NIFK: variants seen among roughly 807,000 people sequenced by gnomAD.
NIFK encodes the protein MKI67 FHA domain-interacting nucleolar phosphoprotein.
In NIFK, 16 loss-of-function variants were observed where a neutral mutation model predicts 31.7. The observed-to-expected ratio is 0.50, with a 90% CI of 0.34 to 0.77. NIFK has a LOEUF of 0.77. NIFK is among the 30% of genes least tolerant of loss of function. NIFK has a pLI of 0.01. For synonymous variants in NIFK, 126 were observed against 123.0 expected (o/e 1.02, Z -0.16); for missense variants, 341 against 350.4 (o/e 0.97, Z 0.21).
intron 4 of NIFK, among the ~76,000 whole-genome samples, chr2:121,729,950 C>A (rs369668050): frequency 5.9e-5 from 9 of 152,230 alleles, no homozygotes; most frequent in East Asian, 3.9e-4. Context: ...TGGTGGCTCA[C>A]ACCTGTAATC....
chr2:121,730,929 T>C lies in NIFK; in HGVS notation c.528A>G (p.Leu176=), dbSNP rs780684725. 20 of 1,612,882 alleles carry C rather than the reference T, an allele frequency of 1.2e-5. No individual in the cohort carries two copies. Among genetic ancestry groups the C allele is most frequent in the Non-Finnish European group, 1.7e-5 (20 of 1,179,130 alleles). ...AATCATAGTCAATTCCTTTTTTAGC[T>C]AATTTCTTCCTGAGTAATCTTTCTT... ...KKKERLLRKK[L]AKKGIDYDFP... is the part of the protein sequence containing the mutation. The change falls in exon 4 of 7, where the codon TTA becomes TTG. Residue 176 remains leucine (L), a synonymous_variant. Transcript: ENST00000285814.
rs1324755351 is a variant in NIFK, at chr2:121,732,146, A to G, written c.302T>C (p.Ile101Thr). The G allele has an allele frequency of 4.3e-6, 7 of 1,613,704 alleles. No individual in the cohort carries two copies. The highest frequency in any genetic ancestry group is 3.4e-6 in the Non-Finnish European group (4 of 1,179,598). ...VEFESEDVAK[I>T]VAETMNNYLF... is the part of the protein sequence containing the mutation. ...GTAGTTGTTCATTGTTTCAGCAACT[A>G]TTTTGGCAACATCCTCAGACTCAAA... is the stretch of plus-strand genomic sequence containing the variant. The change falls in exon 3 of 7, where the codon ATA (isoleucine) becomes ACA (threonine). Residue 101 changes from isoleucine (I) to threonine (T), a missense_variant. Transcript: ENST00000285814.
At chr2:121,728,655 A>T (rs1038406699) in intron 4 of NIFK, 119 bp from the exon 5 acceptor site, 17 of 621,118 alleles carry the variant, frequency 2.7e-5, no homozygotes, top group Non-Finnish European at 3.8e-5. Context: ...CATTTTAAAA[A>T]ATCAAAACTC....
chr2:121,733,868 G>A (rs2074561160), intron 2 of NIFK, among the ~76,000 whole-genome samples: 1 of 152,018 alleles, frequency 6.6e-6, no homozygotes, highest in Non-Finnish European at 1.5e-5. Flanking sequence ...TCTTTGTGAT[G>A]GTAAAAACTT....
In NIFK at chr2:121,731,427, G is replaced by T. The variant is rs550162234; in HGVS notation, c.353-323C>A. Among the ~76,000 whole-genome samples, 6 of 152,298 alleles carry T rather than the reference G, an allele frequency of 3.9e-5. No homozygotes were observed. The South Asian group carries it at 1.2e-3, about 32-fold the overall frequency. On this transcript the variant is annotated intron_variant, in intron 3 of 6. Transcript: ENST00000285814. Reference sequence around the variant, plus strand: ...GACTGCAGGGTAGGGGGCTTCACTGGCTTCTTTCTGCAGGATAAATTACTC... The same window carrying T: ...GACTGCAGGGTAGGGGGCTTCACTGTCTTCTTTCTGCAGGATAAATTACTC...
intron 4 of NIFK, 95 bp downstream of exon 4, chr2:121,730,798 T>C (rs1290626315): frequency 4.9e-6 from 4 of 809,774 alleles, no homozygotes; most frequent in East Asian, 2.5e-5. Flanking sequence ...TGAGTCAAGA[T>C]TGTGGTAAGT....
chr2:121,729,012 G>A (rs2074516425), intron 4 of NIFK, among the ~76,000 whole-genome samples: 1 of 152,082 alleles, frequency 6.6e-6, no homozygotes, highest in African/African-American at 2.4e-5. Context: ...ATTAACCACC[G>A]AGAATTGAGG....
At position 121,727,580 on chromosome 2, in the gene NIFK, C is replaced by G. The variant is rs185897740; in HGVS notation, c.*144G>C. ...CAAGGGCAGGCAATCCAAAATTACA[C>G]ACTGCTTTCCTTAACTTGACCAAAC... is the stretch of plus-strand genomic sequence containing the variant. On this transcript the variant is annotated 3_prime_UTR_variant, in exon 7 of 7. Coordinates refer to ENST00000285814, the MANE Select transcript of NIFK (RefSeq NM_032390.5). The G allele has an allele frequency of 2.6e-6, 2 of 781,332 alleles. No individual in the cohort carries two copies. The highest frequency in any genetic ancestry group is 2.7e-5 in the East Asian group (1 of 37,420). 48.4% of individuals were successfully genotyped at this position (781,332 alleles called of 1,614,324 possible).
chr2:121,730,850 C>T (rs368162332), intron 4 of NIFK, 43 bp downstream of exon 4: 2 of 1,408,974 alleles, frequency 1.4e-6, no homozygotes. Flanking sequence ...TGCCCCCTCC[C>T]CTCCCCACAA....
intron 2 of NIFK, among the ~76,000 whole-genome samples, chr2:121,734,251 G>A (rs1573375785): frequency 1.3e-5 from 2 of 151,810 alleles, no homozygotes; most frequent in South Asian, 4.2e-4. Context: ...AGCCGAGATC[G>A]CCCCCCAAAA....
chr2:121,731,989 G>C, intron 3 of NIFK, 107 bp downstream of exon 3: 1 of 690,788 alleles, frequency 1.4e-6, no homozygotes, highest in East Asian at 2.6e-5. Context: ...ACTCATCCCA[G>C]AGATGAAGTG....
Position 121,732,103 on chromosome 2 carries a change from G to A in NIFK, c.345C>T (p.Leu115=), listed in dbSNP as rs959705711. Residue 115 remains leucine (L), a synonymous_variant, in exon 3 of 7, where the codon CTC becomes CTT. Coordinates refer to ENST00000285814, the MANE Select transcript of NIFK (RefSeq NM_032390.5). Reference sequence around the variant, plus strand: ...TAAGACAGGAGCACTTACACTCCAAGAGTCTTTCACCAAACAGGTAGTTGT... The same window carrying A: ...TAAGACAGGAGCACTTACACTCCAAAAGTCTTTCACCAAACAGGTAGTTGT... The part of the protein sequence containing the change: ...TMNNYLFGER[L]LECHFMPPEK... 3.1e-6 allele frequency: 5 copies of A among 1,598,878 alleles called. No homozygotes were observed. The highest frequency in any genetic ancestry group is 1.7e-4 in the Middle Eastern group (1 of 5,844).
intron 2 of NIFK, among the ~76,000 whole-genome samples, chr2:121,733,705 C>CA (rs376387491): frequency 4.4e-4 from 64 of 145,736 alleles, no homozygotes; most frequent in African/African-American, 9.5e-4. Flanking sequence ...CAAAACAAAA[C>CA]AAAAAAAAAA....
At position 121,735,537 on chromosome 2, in the gene NIFK, G is replaced by A. The variant is rs544401229; in HGVS notation, c.243+76C>T. 3.3e-5 allele frequency: 48 copies of A among 1,450,536 alleles called. No individual in the cohort carries two copies. In the African/African-American group the frequency reaches 5.7e-4, roughly 17 times the overall value. The allele number at this position is 1,450,536 out of a possible 1,614,324, so 89.9% of individuals were successfully genotyped here. On this transcript the variant is annotated intron_variant, in intron 2 of 6. Transcript: ENST00000285814. Reference sequence around the variant, plus strand: ...AAATCTGATAAGCAATAATGTATGCGTGAACGTGCTCTTTAATGTCAAGGA... The same window carrying A: ...AAATCTGATAAGCAATAATGTATGCATGAACGTGCTCTTTAATGTCAAGGA...
intron 5 of NIFK, 29 bp from the exon 6 acceptor site, chr2:121,728,385 T>G: frequency 6.7e-7 from 1 of 1,493,740 alleles, no homozygotes; most frequent in Non-Finnish European, 9.3e-7. Context: ...ACACATCAAT[T>G]TGAATATTGA....
At position 121,728,467 on chromosome 2, in the gene NIFK, A is replaced by T. The variant is rs777271036; in HGVS notation, c.624+10T>A. The T allele has an allele frequency of 8.9e-6, 14 of 1,578,846 alleles. No homozygotes were observed. In the African/African-American group the frequency reaches 1.4e-4, roughly 15 times the overall value. Reference sequence around the variant, plus strand: ...ATATCTTGCATGTAAAATGATAAAAAAAATTTTACCTGGCCTTTTGTAGAC... The same window carrying T: ...ATATCTTGCATGTAAAATGATAAAATAAATTTTACCTGGCCTTTTGTAGAC... On this transcript the variant is annotated intron_variant, in intron 5 of 6. Coordinates refer to ENST00000285814, the MANE Select transcript of NIFK (RefSeq NM_032390.5).
Position 121,726,996 on chromosome 2 carries a change from T to G in NIFK, c.*728A>C, listed in dbSNP as rs1226035384. The G allele has an allele frequency of 6.3e-6, 1 of 159,026 alleles. No individual in the cohort carries two copies. The highest frequency in any genetic ancestry group is 1.4e-5 in the Non-Finnish European group (1 of 72,358). 9.9% of individuals were successfully genotyped at this position (159,026 alleles called of 1,614,324 possible). A position where few individuals can be genotyped will look rare whatever the true frequency, so the allele number is the denominator to read the frequency against. On this transcript the variant is annotated 3_prime_UTR_variant, in exon 7 of 7. Coordinates refer to ENST00000285814, the MANE Select transcript of NIFK (RefSeq NM_032390.5). ...TGAATTCGTTAATGAAGGGGAAAAT[T>G]TATTATTTTTTTTTCCCAATGACTC...
rs1168466424 is a variant in NIFK, at chr2:121,732,199, T to C, written c.249A>G (p.Gly83=). 4 of 1,604,500 alleles carry C rather than the reference T, an allele frequency of 2.5e-6. No homozygotes were observed. Among genetic ancestry groups the C allele is most frequent in the Non-Finnish European group, 3.4e-6 (4 of 1,171,884 alleles). Residue 83 remains glycine (G), a synonymous_variant, in exon 3 of 7, where the codon GGA becomes GGG. Coordinates refer to ENST00000285814, the MANE Select transcript of NIFK (RefSeq NM_032390.5). ...RFRLSRSKRT[G]NSKGYAFVEF... is the part of the protein sequence containing the mutation. ...CCACAAATGCATAGCCTTTGCTATT[T>C]CCAGTCTGCAACAGAGAAACCGCCA...
rs1201203250 is a variant in NIFK at position 121,727,471 on chromosome 2, A to G, written c.*253T>C. The G allele has an allele frequency of 3.1e-6, 2 of 640,352 alleles. No homozygotes were observed. The highest frequency in any genetic ancestry group is 3.6e-5 in the African/African-American group (2 of 55,720). The allele number at this position is 640,352 out of a possible 1,614,324, so 39.7% of individuals were successfully genotyped here. A position where few individuals can be genotyped will look rare whatever the true frequency, so the allele number is the denominator to read the frequency against. On this transcript the variant is annotated 3_prime_UTR_variant, in exon 7 of 7. Coordinates refer to ENST00000285814, the MANE Select transcript of NIFK (RefSeq NM_032390.5). ...AGAGTAAACTAAGGAGAGCTATGAA[A>G]TATCAAAAGAAAACTAGAGGCCAGG...
Sources: allele counts gnomAD v4.1 joint callset (sites outside exome capture counted in the v4.1 genomes callset), GRCh38; gene constraint gnomAD v4.1.1; transcripts MANE v1.5; gene names NCBI Gene and HGNC (gene_info 2026-07-23, HGNC 2026-07-21).